The following LRRC28 variants were observed in gnomAD, a reference collection of about 807,000 sequenced individuals.
The protein encoded by LRRC28 is leucine rich repeat containing 28.
In LRRC28, 39 loss-of-function variants were observed where a neutral mutation model predicts 45.7. That is an observed-to-expected ratio of 0.85 (90% CI 0.66 to 1.12). LRRC28 has a LOEUF of 1.12. Among genes scored for constraint, LRRC28 ranks in the 50% most tolerant of loss-of-function variants. The pLI, the probability that LRRC28 is intolerant of heterozygous loss-of-function variation, is 0.00. For missense variants in LRRC28, 435 were observed against 438.5 expected, an observed-to-expected ratio of 0.99 and a Z score of 0.07; for synonymous variants, 206 against 178.8, an observed-to-expected ratio of 1.15 and a Z score of -1.22.
At chr15:99,258,033 G>T in intron 2 of LRRC28, 1 of 1,169,998 alleles carries the variant, frequency 8.5e-7, no homozygotes, top group East Asian at 2.3e-5. Flanking sequence ...AAAATTAAGT[G>T]TGATAAGGTG....
chr15:99,338,958 A>T (rs936318456), intron 6 of LRRC28, among the ~76,000 whole-genome samples: 6 of 152,178 alleles, frequency 3.9e-5, no homozygotes, highest in African/African-American at 1.4e-4. Flanking sequence ...GATTCTACAG[A>T]TAGAAGCTTT....
At chr15:99,381,133 G>T (rs1957808572) in intron 9 of LRRC28, among the ~76,000 whole-genome samples, 1 of 152,138 alleles carries the variant, frequency 6.6e-6, no homozygotes, top group South Asian at 2.1e-4. Flanking sequence ...GTGTTTTTCA[G>T]CTTGGTTCCA....
At chr15:99,341,145 C>G (rs1956496069) in intron 6 of LRRC28, among the ~76,000 whole-genome samples, 1 of 134,722 alleles carries the variant, frequency 7.4e-6, no homozygotes, top group Non-Finnish European at 1.5e-5. Context: ...GGCTGGAGTG[C>G]AGTGGCGTGA....
intron 9 of LRRC28, among the ~76,000 whole-genome samples, chr15:99,376,954 T>C (rs1415694355): frequency 2.6e-5 from 4 of 152,224 alleles, no homozygotes; most frequent in African/African-American, 9.7e-5. Flanking sequence ...TTGATGGACA[T>C]TTGGGTTGGT....
rs536026965 is a variant in LRRC28, at chr15:99,296,665, G to A, written c.385+8714G>A. On this transcript the variant is annotated intron_variant, in intron 5 of 9. Transcript: ENST00000301981. ...ATTTTGTGGGGTTATCTGCATGACTGGAGGGGGGACTTGCTGTTTCATCTG... is the reference window on the plus strand; with the variant it reads ...ATTTTGTGGGGTTATCTGCATGACTAGAGGGGGGACTTGCTGTTTCATCTG... Among the ~76,000 whole-genome samples, 144 of 152,288 alleles carry A rather than the reference G, an allele frequency of 9.5e-4. 2 individuals carry two copies. The highest frequency in any genetic ancestry group is 2.7e-3 in the Admixed American group (41 of 15,296).
chr15:99,358,674 TA>T (rs1486783819), intron 7 of LRRC28, among the ~76,000 whole-genome samples: 1 of 152,068 alleles, frequency 6.6e-6, no homozygotes, highest in Non-Finnish European at 1.5e-5. Flanking sequence ...AATTCAGAGG[TA>T]AATGATAGTG....
intron 5 of LRRC28, among the ~76,000 whole-genome samples, chr15:99,327,165 C>T (rs111585527): frequency 6.6e-6 from 1 of 152,032 alleles, no homozygotes; most frequent in East Asian, 1.9e-4. Flanking sequence ...ACCTCCACCC[C>T]CCGGGTTGAA....
At chr15:99,285,733 A>G (rs967261403) in intron 3 of LRRC28, 3 of 557,680 alleles carry the variant, frequency 5.4e-6, no homozygotes, top group African/African-American at 3.8e-5. Context: ...TTTAGTTCAT[A>G]TTTTGATTTG....
intron 5 of LRRC28, among the ~76,000 whole-genome samples, chr15:99,304,445 T>C (rs1016854532): frequency 6.6e-6 from 1 of 152,094 alleles, no homozygotes; most frequent in Admixed American, 6.5e-5. Flanking sequence ...TTTCTTTTTT[T>C]TTCAAGACAG....
At chr15:99,381,953 C>A (rs1429325871) in intron 9 of LRRC28, among the ~76,000 whole-genome samples, 1 of 152,254 alleles carries the variant, frequency 6.6e-6, no homozygotes, top group Non-Finnish European at 1.5e-5. Flanking sequence ...TGGAGGGTGC[C>A]TCCCAGTTAG....
intron 1 of LRRC28, among the ~76,000 whole-genome samples, chr15:99,255,333 G>A (rs2080983623): frequency 6.6e-6 from 1 of 151,550 alleles, no homozygotes; most frequent in Non-Finnish European, 1.5e-5. Flanking sequence ...CCCCAGCCTG[G>A]GCAACAGAGT....
chr15:99,323,132 G>A (rs1163692552), intron 5 of LRRC28, among the ~76,000 whole-genome samples: 1 of 152,138 alleles, frequency 6.6e-6, no homozygotes, highest in Non-Finnish European at 1.5e-5. Flanking sequence ...CAGAACAGAA[G>A]CATCAAAGTT....
At chr15:99,308,229 A>G in intron 5 of LRRC28, among the ~76,000 whole-genome samples, 1 of 152,230 alleles carries the variant, frequency 6.6e-6, no homozygotes. Flanking sequence ...TGAATCTTAC[A>G]CAACGTGACT....
chr15:99,321,865 CTG>C (rs1366896358), intron 5 of LRRC28, among the ~76,000 whole-genome samples: 1 of 152,146 alleles, frequency 6.6e-6, no homozygotes, highest in Non-Finnish European at 1.5e-5. Context: ...GAGGTACACA[CTG>C]TGGTTTGACA....
chr15:99,312,783 G>T (rs565658237), intron 5 of LRRC28, among the ~76,000 whole-genome samples: 1 of 152,116 alleles, frequency 6.6e-6, no homozygotes, highest in Non-Finnish European at 1.5e-5. Flanking sequence ...AATTGTATGG[G>T]ACCACTGTCT....
At chr15:99,258,105 A>T in intron 2 of LRRC28, 1 of 1,585,640 alleles carries the variant, frequency 6.3e-7, no homozygotes, top group East Asian at 2.2e-5. Context: ...TTGGTTAAAA[A>T]CCTTGGTACC....
rs146771456 is a variant in LRRC28, at chr15:99,255,682, A to G, written c.-60-216A>G. On this transcript the variant is annotated intron_variant, in intron 1 of 9. Coordinates refer to ENST00000301981, the MANE Select transcript of LRRC28 (RefSeq NM_144598.5). Reference sequence around the variant, plus strand: ...ATTAGGACTATTTCTAATAAGTAATAAATATTGCTTAATCAGAGTATTTTT... The same window carrying G: ...ATTAGGACTATTTCTAATAAGTAATGAATATTGCTTAATCAGAGTATTTTT... 5.3e-3 allele frequency among the ~76,000 whole-genome samples: 812 copies of G among 152,300 alleles called. 4 individuals carry two copies. Among genetic ancestry groups the G allele is most frequent in the Middle Eastern group, 0.014 (4 of 294 alleles).
At position 99,386,201 on chromosome 15, in the gene LRRC28, C is replaced by A; in HGVS notation, c.*99C>A. The A allele has an allele frequency of 1.1e-6, 1 of 904,350 alleles. No homozygotes were observed. Among genetic ancestry groups the A allele is most frequent in the Non-Finnish European group, 1.8e-6 (1 of 547,860 alleles). The allele number at this position is 904,350 out of a possible 1,614,324, so 56.0% of individuals were successfully genotyped here. ...TCCTGTCCTGTCCAATGCGGGGGCA[C>A]TGCAGAACTCTCTAGAAATGTCATG... On this transcript the variant is annotated 3_prime_UTR_variant, in exon 10 of 10. Coordinates refer to ENST00000301981, the MANE Select transcript of LRRC28 (RefSeq NM_144598.5).
rs1463995499 is a variant in LRRC28 at position 99,289,918 on chromosome 15, C to A, written c.385+1967C>A. On this transcript the variant is annotated intron_variant, in intron 5 of 9. Coordinates refer to ENST00000301981, the MANE Select transcript of LRRC28 (RefSeq NM_144598.5). ...ACTGCAGTCCGCAGTCCGGCCTGGG[C>A]GACAGAGCAAGACTCCGTCTCAAAA... is the stretch of plus-strand genomic sequence containing the variant. Among the ~76,000 whole-genome samples, 10 of 106,540 alleles carry A rather than the reference C, an allele frequency of 9.4e-5. No individual in the cohort carries two copies. The Admixed American group carries it at 1.3e-3, about 14-fold the overall frequency. 69.9% of individuals were successfully genotyped at this position (106,540 alleles called of 152,430 possible). A position where few individuals can be genotyped will look rare whatever the true frequency, so the allele number is the denominator to read the frequency against.
Sources: allele counts gnomAD v4.1 joint callset (sites outside exome capture counted in the v4.1 genomes callset), GRCh38; gene constraint gnomAD v4.1.1; transcripts MANE v1.5; gene names NCBI Gene and HGNC (gene_info 2026-07-23, HGNC 2026-07-21).